Variants in TRAPPC11 observed in about 807,000 individuals in gnomAD.
TRAPPC11 encodes the protein trafficking protein particle complex subunit 11, also known as foie gras homolog.
In TRAPPC11, 104 loss-of-function variants were observed where a neutral mutation model predicts 151.2. The observed-to-expected ratio is 0.69, with a 90% CI of 0.59 to 0.81. The LOEUF (loss-of-function observed/expected upper bound fraction) is 0.81. Ranked by LOEUF, TRAPPC11 falls within the 30% of genes least tolerant of loss-of-function variation. The probability of loss-of-function intolerance (pLI) is 0.00; values close to 1 mark genes in which losing one functional copy is unlikely to be tolerated. For missense variants in TRAPPC11, 1,230 were observed against 1,349.6 expected, an observed-to-expected ratio of 0.91 and a Z score of 1.39; for synonymous variants, 456 against 472.3, an observed-to-expected ratio of 0.97 and a Z score of 0.45.
At chr4:183,689,903 T>C (rs1279703280) in intron 18 of TRAPPC11, among the ~76,000 whole-genome samples, 1 of 152,158 alleles carries the variant, frequency 6.6e-6, no homozygotes, top group African/African-American at 2.4e-5. Flanking sequence ...ATATATCTTA[T>C]TTGAAATTTA....
chr4:183,666,973 G>T, intron 3 of TRAPPC11, 87 bp from the exon 4 acceptor site: 2 of 1,121,956 alleles, frequency 1.8e-6, no homozygotes, highest in Non-Finnish European at 1.3e-6. Flanking sequence ...ATCTTCGGTT[G>T]AATGACCAAG....
chr4:183,692,170 T>C (rs1345196312), intron 19 of TRAPPC11, among the ~76,000 whole-genome samples: 16 of 152,310 alleles, frequency 1.1e-4, no homozygotes, highest in Admixed American at 9.2e-4. Flanking sequence ...TTAAATCAGC[T>C]AGTTAATGTA....
At chr4:183,661,203 A>G (rs948252813) in intron 1 of TRAPPC11, among the ~76,000 whole-genome samples, 3 of 152,018 alleles carry the variant, frequency 2.0e-5, no homozygotes, top group Non-Finnish European at 4.4e-5. Context: ...TTCTTTCAGT[A>G]TGTAAACATG....
At chr4:183,665,665 G>A (rs564138854) in intron 2 of TRAPPC11, among the ~76,000 whole-genome samples, 2 of 152,314 alleles carry the variant, frequency 1.3e-5, no homozygotes, top group South Asian at 4.1e-4. Context: ...CATCCCTCAG[G>A]GCTAACACTC....
intron 29 of TRAPPC11, among the ~76,000 whole-genome samples, chr4:183,709,602 C>T (rs1015659589): frequency 1.3e-5 from 2 of 152,044 alleles, no homozygotes; most frequent in African/African-American, 2.4e-5. Context: ...GGTGAAACCC[C>T]ATCTCTACTA....
intron 1 of TRAPPC11, among the ~76,000 whole-genome samples, chr4:183,660,068 T>C (rs1734394066): frequency 6.6e-6 from 1 of 152,256 alleles, no homozygotes; most frequent in Admixed American, 6.5e-5. Flanking sequence ...GTTTCGTTGG[T>C]TGCTCCATTG....
rs549692677 is a variant in TRAPPC11 at position 183,679,291 on chromosome 4, A to G, written c.832-62A>G. On this transcript the variant is annotated intron_variant, in intron 8 of 29. Coordinates refer to ENST00000334690, the MANE Select transcript of TRAPPC11 (RefSeq NM_021942.6). ...ATGTTATTCTCAAAATAGTTTTTAAATGAATATGTCTTTTGACTTTCTTTT... is the reference window on the plus strand; with the variant it reads ...ATGTTATTCTCAAAATAGTTTTTAAGTGAATATGTCTTTTGACTTTCTTTT... The G allele has an allele frequency of 3.5e-6, 5 of 1,410,214 alleles. 1 individual carries two copies. The South Asian group carries it at 4.7e-5, about 13-fold the overall frequency. 87.4% of individuals were successfully genotyped at this position (1,410,214 alleles called of 1,614,324 possible).
chr4:183,673,069 T>C (rs1735234558), intron 5 of TRAPPC11, among the ~76,000 whole-genome samples: 1 of 151,552 alleles, frequency 6.6e-6, no homozygotes, highest in South Asian at 2.1e-4. Context: ...TTCATGCCAT[T>C]CTCCTGCCTC....
chr4:183,664,116 A>C lies in TRAPPC11; in HGVS notation c.204+45A>C, dbSNP rs72691592. ...ATGTGTTCTTTCCTTCTCTCTCTCT[A>C]TGTGTGTGTGTGTGTCTTTTTTGTT... On this transcript the variant is annotated intron_variant, in intron 2 of 29. Transcript: ENST00000334690. The C allele has an allele frequency of 8.6e-3, 9,459 of 1,103,232 alleles. 41 individuals carry two copies. Among genetic ancestry groups the C allele is most frequent in the African/African-American group, 0.01 (615 of 60,974 alleles). 68.3% of individuals were successfully genotyped at this position (1,103,232 alleles called of 1,614,324 possible).
rs558617399 is a variant in TRAPPC11 at position 183,663,739 on chromosome 4, T to G, written c.-21-108T>G. 4.4e-4 allele frequency: 205 copies of G among 462,614 alleles called. 4 individuals are homozygous for G. The highest frequency in any genetic ancestry group is 8.7e-5 in the Non-Finnish European group (23 of 265,590). 28.7% of individuals were successfully genotyped at this position (462,614 alleles called of 1,614,324 possible). A position where few individuals can be genotyped will look rare whatever the true frequency, so the allele number is the denominator to read the frequency against. On this transcript the variant is annotated intron_variant, in intron 1 of 29. Transcript: ENST00000334690. ...ATATTGGAAATGAATATGAGTTGTT[T>G]TTTTTTTTTTTTTTTTGAGACAGAG...
At chr4:183,700,140 C>T (rs1277286926) in intron 25 of TRAPPC11, among the ~76,000 whole-genome samples, 2 of 151,978 alleles carry the variant, frequency 1.3e-5, no homozygotes, top group Non-Finnish European at 2.9e-5. Flanking sequence ...ACATTGTGAC[C>T]GTTTTATTTA....
intron 7 of TRAPPC11, 47 bp downstream of exon 7, chr4:183,675,284 A>G: frequency 1.7e-6 from 2 of 1,185,066 alleles, no homozygotes; most frequent in African/African-American, 1.5e-5. Flanking sequence ...TATATTAACA[A>G]TAACATGTGA....
chr4:183,697,436 GT>G, intron 23 of TRAPPC11, 66 bp from the exon 24 acceptor site: 4 of 1,465,908 alleles, frequency 2.7e-6, no homozygotes, highest in Non-Finnish European at 3.7e-6. Flanking sequence ...GATAGGTTGT[GT>G]TTTTTAAAAC....
In TRAPPC11 at chr4:183,663,893, C is replaced by T; in HGVS notation, c.26C>T (p.Pro9Leu). ...ATGAGCCCCACACAGTGGGACTTCC[C>T]TGTGGAATTATGTTGCCGGCCTATG... is the stretch of plus-strand genomic sequence containing the variant. Reference protein sequence around the residue: MSPTQWDFPVELCCRPMAF... With the variant: MSPTQWDFLVELCCRPMAF... The change falls in exon 2 of 30, where the codon CCT becomes CTT. Residue 9 changes from proline to leucine, a missense_variant. Coordinates refer to ENST00000334690, the MANE Select transcript of TRAPPC11 (RefSeq NM_021942.6). The T allele has an allele frequency of 3.1e-6, 5 of 1,614,098 alleles. No individual in the cohort carries two copies. Among genetic ancestry groups the T allele is most frequent in the Admixed American group, 1.7e-5 (1 of 60,014 alleles).
chr4:183,712,614 C>T lies in TRAPPC11; in HGVS notation c.3372C>T (p.Leu1124=). ...TSIFVKPQGR[L]MDDTSIAAA The stretch of plus-strand genomic sequence containing the variant: ...CCACTTTAAAGCCACAGGGTCGACT[C>T]ATGGATGATACCTCTATTGCTGCTG... Residue 1124 remains leucine, a synonymous_variant, in exon 30 of 30, where the codon CTC becomes CTT. Coordinates refer to ENST00000334690, the MANE Select transcript of TRAPPC11 (RefSeq NM_021942.6). The T allele has an allele frequency of 6.2e-7, 1 of 1,614,174 alleles. No individual in the cohort carries two copies. The highest frequency in any genetic ancestry group is 8.5e-7 in the Non-Finnish European group (1 of 1,180,036).
intron 6 of TRAPPC11, 26 bp from the exon 7 acceptor site, chr4:183,675,138 A>G: frequency 8.0e-7 from 1 of 1,247,044 alleles, no homozygotes; most frequent in Non-Finnish European, 1.1e-6. Context: ...AATATGTATA[A>G]TAGTAATTTT....
In TRAPPC11 at chr4:183,683,913, G is replaced by A. The variant is rs62358027; in HGVS notation, c.1208-62G>A. ...GTTTCAAGGAGTGTACACATACAAC[G>A]TTCATATGAAGATTTATATTAAATG... is the stretch of plus-strand genomic sequence containing the variant. On this transcript the variant is annotated intron_variant, in intron 11 of 29. Transcript: ENST00000334690. 143,574 of 1,305,336 alleles carry A rather than the reference G, an allele frequency of 0.11. 8,794 individuals carry two copies. Among genetic ancestry groups the A allele is most frequent in the African/African-American group, 0.13 (9,017 of 68,674 alleles). The allele number at this position is 1,305,336 out of a possible 1,614,324, so 80.9% of individuals were successfully genotyped here.
intron 3 of TRAPPC11, 98 bp downstream of exon 3, chr4:183,666,524 G>A: frequency 7.9e-7 from 1 of 1,263,796 alleles, no homozygotes; most frequent in East Asian, 2.4e-5. Context: ...AGACTGCAGT[G>A]GTCACTTTGC....
Position 183,693,160 on chromosome 4 carries a change from T to A in TRAPPC11, c.2237+13T>A. ...AGGCAAGCACAATGTAAGTCTGCTT[T>A]GCTAAGCTGATATTAAAGGTCATCC... On this transcript the variant is annotated intron_variant, in intron 20 of 29. Transcript: ENST00000334690. 6.4e-7 allele frequency: 1 copy of A among 1,565,506 alleles called. No individual in the cohort carries two copies. The highest frequency in any genetic ancestry group is 8.7e-7 in the Non-Finnish European group (1 of 1,154,450).
Sources: gnomAD v4.1 joint callset for allele counts (sites outside exome capture counted in the v4.1 genomes callset) on GRCh38, gnomAD v4.1.1 for gene constraint, MANE v1.5 for transcripts, NCBI Gene and HGNC (gene_info 2026-07-23, HGNC 2026-07-21) for gene names.